Variants in MRTFB observed in about 807,000 individuals in gnomAD.
The protein encoded by MRTFB is myocardin related transcription factor B.
MRTFB carries 29 observed loss-of-function variants against 104.2 expected under a neutral mutation model. The ratio of observed to expected loss-of-function variants is 0.28; its 90% CI spans 0.21 to 0.38. The LOEUF is 0.38. MRTFB is among the 10% of genes least tolerant of loss of function. MRTFB has a pLI of 1.00. For missense variants in MRTFB, 1,270 were observed against 1,341.6 expected, an observed-to-expected ratio of 0.95 and a Z score of 0.83; for synonymous variants, 535 against 519.5, an observed-to-expected ratio of 1.03 and a Z score of -0.41.
At chr16:14,037,837 C>T in the MRTFB span, among the ~76,000 whole-genome samples, 1 of 152,184 alleles carries the variant, frequency 6.6e-6, no homozygotes, top group East Asian at 1.9e-4. Context: ...ACCTTCTCTA[C>T]CTGTGGGGCT....
At chr16:14,200,623 A>G (rs994771375) in intron 3 of MRTFB, 26 of 1,582,830 alleles carry the variant, frequency 1.6e-5, no homozygotes, top group East Asian at 2.2e-5. Flanking sequence ...TGGTTGGCCT[A>G]CGTTGGTGGA....
intron 3 of MRTFB, among the ~76,000 whole-genome samples, chr16:14,155,090 A>G (rs1402497623): frequency 1.3e-5 from 2 of 152,108 alleles, no homozygotes; most frequent in African/African-American, 4.8e-5. Flanking sequence ...TGCTCTATGT[A>G]TATATATTTT....
At chr16:14,241,473 A>C (rs2042764507) in intron 10 of MRTFB, 1 of 152,242 alleles carries the variant, frequency 6.6e-6, no homozygotes, top group Non-Finnish European at 1.5e-5. Flanking sequence ...TAAAAATGCA[A>C]AGATCTTGTC....
intron 10 of MRTFB, among the ~76,000 whole-genome samples, chr16:14,245,250 G>A (rs1220840768): frequency 3.3e-5 from 5 of 151,318 alleles, no homozygotes; most frequent in African/African-American, 1.2e-4. Context: ...GACTCTTCCA[G>A]CTTTGCTTTT....
At position 14,251,985 on chromosome 16, in the gene MRTFB, C is replaced by T; in HGVS notation, c.2527C>T (p.Leu843Phe). Reference sequence around the variant, plus strand: ...TGTTCTTCAATCCAGAAATGCTCCGCTTCCATCCCTGCAAAATGGACCTAA... The same window carrying T: ...TGTTCTTCAATCCAGAAATGCTCCGTTTCCATCCCTGCAAAATGGACCTAA... ...NSVLQSRNAP[L>F]PSLQNGPNTP... Residue 843 changes from leucine to phenylalanine, a missense_variant, in exon 14 of 17, where the codon CTT becomes TTT. By Grantham distance (22) the Leu-to-Phe change is conservative (BLOSUM62 0). Around this residue, in one of 3 missense-constraint regions of MRTFB, gnomAD observed 1,144 missense variants for 1,131.5 expected, o/e 1.01. Transcript: ENST00000571589. 1 of 1,614,214 alleles carries T rather than the reference C, an allele frequency of 6.2e-7. No individual in the cohort carries two copies.
intron 3 of MRTFB, among the ~76,000 whole-genome samples, chr16:14,197,308 G>A (rs1056670923): frequency 2.0e-5 from 3 of 152,006 alleles, no homozygotes; most frequent in Admixed American, 1.3e-4. Context: ...CTTGAATTTC[G>A]CATTAATTCT....
In MRTFB at chr16:14,263,778, C is replaced by T. The variant is rs929404062; in HGVS notation, c.*2334C>T. 3 of 152,104 alleles carry T rather than the reference C, an allele frequency of 2.0e-5. No individual in the cohort carries two copies. Among genetic ancestry groups the T allele is most frequent in the African/African-American group, 7.2e-5 (3 of 41,402 alleles). 9.4% of individuals were successfully genotyped at this position (152,104 alleles called of 1,614,324 possible). A position where few individuals can be genotyped will look rare whatever the true frequency, so the allele number is the denominator to read the frequency against. ...CATATGTGTTTAAACCTTTATAAACCAGTATTTCACTTTTAAAAAGACAAG... is the reference window on the plus strand; with the variant it reads ...CATATGTGTTTAAACCTTTATAAACTAGTATTTCACTTTTAAAAAGACAAG... On this transcript the variant is annotated 3_prime_UTR_variant, in exon 17 of 17. Coordinates refer to ENST00000571589, the MANE Select transcript of MRTFB (RefSeq NM_001308142.2).
intron 3 of MRTFB, chr16:14,141,839 G>C (rs2038013171): frequency 6.9e-6 from 1 of 145,524 alleles, no homozygotes; most frequent in Admixed American, 6.8e-5. Context: ...ATTTTGATAG[G>C]TGTTTTTTTT....
At chr16:14,105,292 T>G (rs1253913078) in intron 2 of MRTFB, among the ~76,000 whole-genome samples, 1 of 152,188 alleles carries the variant, frequency 6.6e-6, no homozygotes, top group Non-Finnish European at 1.5e-5. Flanking sequence ...CCTAAATTGT[T>G]GATGACATCT....
intron 2 of MRTFB, among the ~76,000 whole-genome samples, chr16:14,112,738 G>C (rs76587875): frequency 0.015 from 2,240 of 152,264 alleles, 28 homozygotes; most frequent in Non-Finnish European, 0.022. Flanking sequence ...TTTTGCCTTG[G>C]GGGCCGTTTG....
chr16:14,264,693 T>C lies in MRTFB; in HGVS notation c.*3249T>C, dbSNP rs1439336000. On this transcript the variant is annotated 3_prime_UTR_variant, in exon 17 of 17. Transcript: ENST00000571589. ...GACACTTTTTGGCTTTCAGTGCTGT[T>C]TAGAAACAGTGGCAAAGGCAGGGTG... 2 of 152,244 alleles carry C rather than the reference T, an allele frequency of 1.3e-5. No homozygotes were observed. The highest frequency in any genetic ancestry group is 2.9e-5 in the Non-Finnish European group (2 of 68,050). 9.4% of individuals were successfully genotyped at this position (152,244 alleles called of 1,614,324 possible). A position where few individuals can be genotyped will look rare whatever the true frequency, so the allele number is the denominator to read the frequency against.
chr16:14,165,108 C>T (rs1446527262), intron 3 of MRTFB, among the ~76,000 whole-genome samples: 1 of 151,556 alleles, frequency 6.6e-6, no homozygotes, highest in Non-Finnish European at 1.5e-5. Flanking sequence ...ATCTTTTGTT[C>T]CAATGCTTAG....
chr16:14,220,827 C>T (rs775640472), intron 8 of MRTFB, among the ~76,000 whole-genome samples: 4 of 152,196 alleles, frequency 2.6e-5, no homozygotes, highest in Non-Finnish European at 5.9e-5. Context: ...AGGATGTTAA[C>T]AGTTCCTATG....
At chr16:14,117,069 G>A (rs930292684) in intron 2 of MRTFB, among the ~76,000 whole-genome samples, 2 of 152,190 alleles carry the variant, frequency 1.3e-5, no homozygotes, top group African/African-American at 4.8e-5. Flanking sequence ...AGGGATTGAG[G>A]TACCATACAT....
At chr16:14,245,851 A>G (rs1238875917) in intron 11 of MRTFB, among the ~76,000 whole-genome samples, 191 bp downstream of exon 11, 3 of 152,204 alleles carry the variant, frequency 2.0e-5, no homozygotes, top group Non-Finnish European at 4.4e-5. Flanking sequence ...AATAACTGTC[A>G]TTTACTGAGT....
intron 3 of MRTFB, chr16:14,200,095 C>G: frequency 1.8e-6 from 1 of 563,402 alleles, no homozygotes; most frequent in Non-Finnish European, 3.1e-6. Context: ...GCAAAGTGAC[C>G]TTATCAAAGT....
intron 2 of MRTFB, among the ~76,000 whole-genome samples, chr16:14,108,306 T>C (rs4781571): frequency 0.23 from 35,180 of 152,218 alleles, 7,643 homozygotes; most frequent in African/African-American, 0.56. Context: ...CTCTACCACA[T>C]GTGAATCTTG....
At chr16:14,149,297 A>G (rs1456713985) in intron 3 of MRTFB, 2 of 152,172 alleles carry the variant, frequency 1.3e-5, no homozygotes, top group Non-Finnish European at 2.9e-5. Flanking sequence ...TAAATTTTTG[A>G]TATATGGCCT....
At chr16:14,056,090 T>A in the MRTFB span, among the ~76,000 whole-genome samples, 1 of 152,192 alleles carries the variant, frequency 6.6e-6, no homozygotes, top group Non-Finnish European at 1.5e-5. Flanking sequence ...GTAACTCTCA[T>A]GCTTCAGCTT....
Sources: gnomAD v4.1 joint callset for allele counts (sites outside exome capture counted in the v4.1 genomes callset) on GRCh38, gnomAD v4.1.1 for gene constraint, gnomAD v4.1.1 regional missense constraint, MANE v1.5 for transcripts, NCBI Gene and HGNC (gene_info 2026-07-23, HGNC 2026-07-21) for gene names.